The following BBS9 variants were observed in gnomAD, a reference collection of about 807,000 sequenced individuals.
BBS9 encodes protein PTHB1.
Under a neutral mutation model 117.7 loss-of-function variants are expected in BBS9, and 89 were observed. The ratio of observed to expected loss-of-function variants is 0.76; its 90% CI spans 0.64 to 0.90. The LOEUF (loss-of-function observed/expected upper bound fraction) is 0.90, where lower values mean the gene tolerates loss of function less well. Among genes scored for constraint, BBS9 ranks in the 40% least tolerant of loss-of-function variants. The pLI, the probability that BBS9 is intolerant of heterozygous loss-of-function variation, is 0.00. For missense variants in BBS9, 982 were observed against 1,042.2 expected, an observed-to-expected ratio of 0.94 and a Z score of 0.80; for synonymous variants, 379 against 370.9, an observed-to-expected ratio of 1.02 and a Z score of -0.25.
chr7:33,622,054 A>T (rs1213807313), intron 21 of BBS9, among the ~76,000 whole-genome samples: 1 of 152,082 alleles, frequency 6.6e-6, no homozygotes, highest in Non-Finnish European at 1.5e-5. Flanking sequence ...TACTAAAAAT[A>T]CAAAATTTAG....
chr7:33,176,035 C>A (rs1008457914), intron 4 of BBS9, among the ~76,000 whole-genome samples: 1 of 152,164 alleles, frequency 6.6e-6, no homozygotes, highest in Non-Finnish European at 1.5e-5. Context: ...TAAGTTGAGG[C>A]CTTCTCCATT....
chr7:33,378,589 A>G (rs541740885), intron 17 of BBS9, among the ~76,000 whole-genome samples: 93 of 152,198 alleles, frequency 6.1e-4, no homozygotes, highest in Non-Finnish European at 1.0e-3. Context: ...AGGAGAAGAG[A>G]AAAGCTTAGA....
intron 9 of BBS9, among the ~76,000 whole-genome samples, chr7:33,313,550 C>T (rs187809555): frequency 5.3e-5 from 8 of 152,192 alleles, no homozygotes; most frequent in Admixed American, 2.6e-4. Flanking sequence ...AACAGGGTAA[C>T]CTCTGAGTTC....
intron 21 of BBS9, among the ~76,000 whole-genome samples, chr7:33,567,823 T>C (rs961167070): frequency 6.6e-6 from 1 of 152,198 alleles, no homozygotes; most frequent in African/African-American, 2.4e-5. Context: ...TACTTCTCTT[T>C]GTATTTAATA....
chr7:33,312,650 C>T (rs1300249137), intron 9 of BBS9, among the ~76,000 whole-genome samples: 1 of 152,138 alleles, frequency 6.6e-6, no homozygotes, highest in Non-Finnish European at 1.5e-5. Flanking sequence ...GAGAAATAGA[C>T]TTCTCTGGCT....
chr7:33,592,402 A>C (rs1181230920), intron 21 of BBS9, among the ~76,000 whole-genome samples: 1 of 152,140 alleles, frequency 6.6e-6, no homozygotes, highest in Non-Finnish European at 1.5e-5. Flanking sequence ...TTGCCATGTC[A>C]TGTCCCCTTT....
At chr7:33,229,166 A>G (rs969030814) in intron 5 of BBS9, among the ~76,000 whole-genome samples, 6 of 152,176 alleles carry the variant, frequency 3.9e-5, no homozygotes, top group Non-Finnish European at 1.5e-5. Flanking sequence ...CATCTCACTT[A>G]GTTACCCATT....
chr7:33,231,114 T>C (rs1407813325), intron 5 of BBS9, among the ~76,000 whole-genome samples: 1 of 152,162 alleles, frequency 6.6e-6, no homozygotes, highest in Non-Finnish European at 1.5e-5. Context: ...TTGATTTTTG[T>C]GTATAGTGTA....
intron 21 of BBS9, among the ~76,000 whole-genome samples, chr7:33,565,996 A>C (rs1037072121): frequency 8.6e-5 from 13 of 150,396 alleles, no homozygotes; most frequent in African/African-American, 2.7e-4. Flanking sequence ...ATTGGGGAAA[A>C]AAAATGTAAG....
intron 20 of BBS9, among the ~76,000 whole-genome samples, chr7:33,526,751 C>G (rs1417123487): frequency 1.3e-5 from 2 of 151,498 alleles, no homozygotes; most frequent in Non-Finnish European, 2.9e-5. Flanking sequence ...CTCAGCTCGT[C>G]AAAGTCATTC....
intron 1 of BBS9, among the ~76,000 whole-genome samples, chr7:33,142,039 C>T (rs1032139263): frequency 1.3e-5 from 2 of 151,964 alleles, no homozygotes; most frequent in African/African-American, 4.8e-5. Flanking sequence ...GGGTTCATGC[C>T]ATTCTCCTGC....
intron 5 of BBS9, among the ~76,000 whole-genome samples, chr7:33,240,608 A>C (rs1296730411): frequency 6.6e-6 from 1 of 152,054 alleles, no homozygotes; most frequent in Non-Finnish European, 1.5e-5. Context: ...TCCCCCTTGA[A>C]CTTTAAAAGA....
At chr7:33,168,635 G>A (rs1404315680) in intron 4 of BBS9, among the ~76,000 whole-genome samples, 2 of 151,912 alleles carry the variant, frequency 1.3e-5, no homozygotes, top group African/African-American at 2.4e-5. Flanking sequence ...AACCACACAA[G>A]ATTTCCATAA....
At chr7:33,504,380 C>T (rs1191512881) in intron 19 of BBS9, among the ~76,000 whole-genome samples, 1 of 152,084 alleles carries the variant, frequency 6.6e-6, no homozygotes. Flanking sequence ...CTGTACAGCC[C>T]CTCTCCCAAC....
chr7:33,189,339 ATGT>A (rs1783672702), intron 5 of BBS9, among the ~76,000 whole-genome samples: 1 of 152,086 alleles, frequency 6.6e-6, no homozygotes, highest in Non-Finnish European at 1.5e-5. Flanking sequence ...TTTTAAAATT[ATGT>A]TGTTTTGATT....
intron 5 of BBS9, among the ~76,000 whole-genome samples, chr7:33,251,655 A>G (rs1041847837): frequency 1.3e-5 from 2 of 152,238 alleles, no homozygotes; most frequent in Admixed American, 1.3e-4. Flanking sequence ...GTTAGAAAAT[A>G]ATTATAGAAA....
chr7:33,582,672 G>A (rs1860176416), intron 21 of BBS9, among the ~76,000 whole-genome samples: 1 of 151,990 alleles, frequency 6.6e-6, no homozygotes, highest in Admixed American at 6.6e-5. Context: ...ATTCAATTCA[G>A]TAAACATTTA....
At chr7:33,215,934 T>G (rs1788971763) in intron 5 of BBS9, among the ~76,000 whole-genome samples, 1 of 152,262 alleles carries the variant, frequency 6.6e-6, no homozygotes, top group African/African-American at 2.4e-5. Flanking sequence ...TTGAATTTTC[T>G]TTTGTCTTAC....
chr7:33,399,387 A>C (rs953528559), intron 19 of BBS9, among the ~76,000 whole-genome samples: 21 of 152,196 alleles, frequency 1.4e-4, no homozygotes, highest in Non-Finnish European at 5.9e-5. Flanking sequence ...CTATACATTC[A>C]AATATTGTTT....
Sources: allele counts gnomAD v4.1 joint callset (sites outside exome capture counted in the v4.1 genomes callset), GRCh38; gene constraint gnomAD v4.1.1; transcripts MANE v1.5; gene names NCBI Gene and HGNC (gene_info 2026-07-23, HGNC 2026-07-21).